CYP2J2: variants seen among roughly 807,000 people sequenced by gnomAD.
CYP2J2 encodes cytochrome P450 family 2 subfamily J member 2, also known as cytochrome P450 2J2.
A neutral mutation model predicts 48.8 loss-of-function variants in CYP2J2; 41 were observed. The observed-to-expected ratio is 0.84, with a 90% CI of 0.66 to 1.09. CYP2J2 has a LOEUF of 1.09. CYP2J2 is among the 50% of genes least tolerant of loss of function. The pLI is 0.00. For synonymous variants in CYP2J2, 221 were observed against 227.1 expected, an observed-to-expected ratio of 0.97 and a Z score of 0.24; for missense variants, 644 against 617.3, an observed-to-expected ratio of 1.04 and a Z score of -0.46.
the CYP2J2 span, among the ~76,000 whole-genome samples, chr1:59,949,016 T>G: frequency 6.6e-6 from 1 of 151,652 alleles, no homozygotes; most frequent in Non-Finnish European, 1.5e-5. Context: ...CACTGCAGCT[T>G]GGGCAACATA....
intron 8 of CYP2J2, among the ~76,000 whole-genome samples, chr1:59,894,964 CA>C (rs1326965727): frequency 6.6e-6 from 1 of 152,092 alleles, no homozygotes; most frequent in African/African-American, 2.4e-5. Flanking sequence ...TTCAAATGTA[CA>C]AAAAACTTGC....
chr1:59,952,324 T>C, the CYP2J2 span, among the ~76,000 whole-genome samples: 1 of 150,236 alleles, frequency 6.7e-6, no homozygotes, highest in Admixed American at 6.6e-5. Context: ...TTTTTTTTTC[T>C]AAACTTCCCT....
intron 2 of CYP2J2, chr1:59,912,836 G>A (rs1415725950): frequency 6.5e-6 from 1 of 152,914 alleles, no homozygotes; most frequent in Non-Finnish European, 1.5e-5. Flanking sequence ...CTTTATAGGA[G>A]AGGTCCTATC....
chr1:59,952,337 A>T, the CYP2J2 span, among the ~76,000 whole-genome samples: 1 of 145,876 alleles, frequency 6.9e-6, no homozygotes, highest in Non-Finnish European at 1.5e-5. Flanking sequence ...ACTTCCCTGG[A>T]GCATATTTGC....
chr1:59,950,047 A>G, the CYP2J2 span, among the ~76,000 whole-genome samples: 1 of 152,226 alleles, frequency 6.6e-6, no homozygotes, highest in Non-Finnish European at 1.5e-5. Flanking sequence ...GAACAGGTCA[A>G]GACTCTCTAA....
At chr1:59,938,223 A>G in the CYP2J2 span, among the ~76,000 whole-genome samples, 100 of 152,262 alleles carry the variant, frequency 6.6e-4, 1 homozygote, top group African/African-American at 2.1e-3. Flanking sequence ...AGACTGATAA[A>G]AGAAATAAGA....
the CYP2J2 span, among the ~76,000 whole-genome samples, chr1:59,952,606 G>C: frequency 6.6e-6 from 1 of 152,176 alleles, no homozygotes; most frequent in Non-Finnish European, 1.5e-5. Context: ...GGCAGAACCA[G>C]AGAAGACAAG....
intron 8 of CYP2J2, among the ~76,000 whole-genome samples, chr1:59,898,615 C>A (rs1644290673): frequency 1.3e-5 from 2 of 152,108 alleles, no homozygotes; most frequent in African/African-American, 4.8e-5. Flanking sequence ...AATCTTAGGC[C>A]TTTAAATGGG....
chr1:59,956,042 C>T, the CYP2J2 span, among the ~76,000 whole-genome samples: 5 of 152,030 alleles, frequency 3.3e-5, no homozygotes, highest in African/African-American at 7.2e-5. Flanking sequence ...GAGATGTATA[C>T]ATATGCATAT....
At chr1:59,930,421 T>C (rs1557433898), upstream of CYP2J2, among the ~76,000 whole-genome samples, 1 of 152,188 alleles carries the variant, frequency 6.6e-6, no homozygotes. Flanking sequence ...TTTGTTATCT[T>C]CTGTTATACT....
At chr1:59,950,208 A>G in the CYP2J2 span, among the ~76,000 whole-genome samples, 1 of 152,148 alleles carries the variant, frequency 6.6e-6, no homozygotes, top group East Asian at 1.9e-4. Flanking sequence ...GAGTAGGAGA[A>G]ACAGGATATT....
chr1:59,952,706 C>A, the CYP2J2 span, among the ~76,000 whole-genome samples: 13 of 152,122 alleles, frequency 8.5e-5, no homozygotes, highest in African/African-American at 2.9e-4. Context: ...CAATGTATAG[C>A]AAATATAAAC....
At chr1:59,954,019 T>G in the CYP2J2 span, among the ~76,000 whole-genome samples, 1 of 152,204 alleles carries the variant, frequency 6.6e-6, no homozygotes, top group Non-Finnish European at 1.5e-5. Flanking sequence ...ACTTTTAAGT[T>G]AGACATGGCC....
At position 59,907,247 on chromosome 1, in the gene CYP2J2, G is replaced by C. The variant is rs11572283; in HGVS notation, c.1003+539C>G. Among the ~76,000 whole-genome samples the C allele has an allele frequency of 3.0e-3, 459 of 152,284 alleles. 2 individuals carry two copies. Among genetic ancestry groups the C allele is most frequent in the African/African-American group, 0.01 (434 of 41,558 alleles). On this transcript the variant is annotated intron_variant, in intron 6 of 8. Transcript: ENST00000371204. ...TCAAGAAGAGCTAGGAGTTTACTAT[G>C]TAGGAAAACTGGGCAAGTAGAGGGA...
intron 1 of CYP2J2, among the ~76,000 whole-genome samples, chr1:59,917,067 T>C (rs981083590): frequency 2.0e-5 from 3 of 152,144 alleles, no homozygotes; most frequent in Admixed American, 6.5e-5. Context: ...CTGGGCTGTA[T>C]AGTTCAATCG....
At position 59,911,053 on chromosome 1, in the gene CYP2J2, G is replaced by A. The variant is rs529679806; in HGVS notation, c.684+555C>T. ...AAAATATGAGTGGATGTAACCACAA[G>A]AACACTTGTACAAGAATGTTCATGG... On this transcript the variant is annotated intron_variant, in intron 4 of 8. Coordinates refer to ENST00000371204, the MANE Select transcript of CYP2J2 (RefSeq NM_000775.4). 5.9e-5 allele frequency among the ~76,000 whole-genome samples: 9 copies of A among 152,300 alleles called. No individual in the cohort carries two copies. In the South Asian group the frequency reaches 1.9e-3, roughly 32 times the overall value.
chr1:59,938,137 T>A, the CYP2J2 span, among the ~76,000 whole-genome samples: 1 of 152,188 alleles, frequency 6.6e-6, no homozygotes, highest in Non-Finnish European at 1.5e-5. Flanking sequence ...TTGTGGATGG[T>A]TATCTGTCTC....
intron 5 of CYP2J2, among the ~76,000 whole-genome samples, chr1:59,908,328 T>C (rs1644382634): frequency 1.3e-5 from 2 of 152,174 alleles, no homozygotes; most frequent in Admixed American, 1.3e-4. Flanking sequence ...ATACTGGAAA[T>C]AGGAGTGCAC....
chr1:59,944,566 G>A, the CYP2J2 span, among the ~76,000 whole-genome samples: 1 of 152,100 alleles, frequency 6.6e-6, no homozygotes, highest in South Asian at 2.1e-4. Flanking sequence ...CATAAAAGGA[G>A]AACTATTGGG....
Sources: allele counts gnomAD v4.1 joint callset (sites outside exome capture counted in the v4.1 genomes callset), GRCh38; gene constraint gnomAD v4.1.1; transcripts MANE v1.5; gene names NCBI Gene and HGNC (gene_info 2026-07-23, HGNC 2026-07-21).